The following TENM2 variants were observed in gnomAD, a reference collection of about 807,000 sequenced individuals.
TENM2 encodes teneurin-2.
A neutral mutation model predicts 245.2 loss-of-function variants in TENM2; 52 were observed. That is an observed-to-expected ratio of 0.21 (90% CI 0.17 to 0.27). The LOEUF is 0.27. TENM2 is among the 10% of genes least tolerant of loss of function. TENM2 has a pLI of 1.00. For missense variants in TENM2, 3,046 were observed against 3,666.8 expected (o/e 0.83, Z 4.37); for synonymous variants, 1,363 against 1,438.9 (o/e 0.95, Z 1.19).
At chr5:168,140,514 TTGTGTGTATGAGTGTATACACGTC>T (rs552230453) in intron 12 of TENM2, among the ~76,000 whole-genome samples, 82 of 152,268 alleles carry the variant, frequency 5.4e-4, no homozygotes, top group African/African-American at 1.9e-3. Context: ...CTAATCCCTG[TTGTGTGTATGAGTGTATACACGTC>T]TGTGTGCATG....
At chr5:167,907,666 C>T (rs990785438) in intron 3 of TENM2, among the ~76,000 whole-genome samples, 1 of 148,266 alleles carries the variant, frequency 6.7e-6, no homozygotes, top group Non-Finnish European at 1.5e-5. Flanking sequence ...ACTTTGGGAA[C>T]CTGGGGCAGG....
At chr5:167,284,749 C>A, upstream of TENM2, 1 of 970,424 alleles carries the variant, frequency 1.0e-6, no homozygotes, top group Middle Eastern at 3.2e-4. Context: ...TGGGTTTTTT[C>A]TTCTATGTTT....
At chr5:167,398,813 C>A (rs976402691) in intron 2 of TENM2, among the ~76,000 whole-genome samples, 1 of 152,086 alleles carries the variant, frequency 6.6e-6, no homozygotes, top group African/African-American at 2.4e-5. Context: ...AAGCTCTTAG[C>A]GAAGTGCCTG....
chr5:167,353,479 GTGTTTTTTGTTGTTGTTGT>G (rs1759070298), intron 1 of TENM2, among the ~76,000 whole-genome samples: 1 of 123,344 alleles, frequency 8.1e-6, no homozygotes, highest in South Asian at 2.8e-4. Context: ...ATAGTATATG[GTGTTTTTTGTTGTTGTTGT>G]TGTTTTTTTT....
intron 5 of TENM2, among the ~76,000 whole-genome samples, chr5:168,020,226 G>A (rs1416888297): frequency 6.6e-6 from 1 of 152,126 alleles, no homozygotes. Flanking sequence ...AAGGTTAGGG[G>A]CTACAAGGTG....
chr5:168,127,427 G>A (rs1031969342), intron 12 of TENM2, among the ~76,000 whole-genome samples: 1 of 152,098 alleles, frequency 6.6e-6, no homozygotes, highest in East Asian at 1.9e-4. Flanking sequence ...CAGGTACCAC[G>A]GTAAGGTCCT....
chr5:167,067,462 T>C, the TENM2 span, among the ~76,000 whole-genome samples: 1 of 152,202 alleles, frequency 6.6e-6, no homozygotes, highest in African/African-American at 2.4e-5. Flanking sequence ...CAGATTATTG[T>C]GGAAAGCTCT....
chr5:167,598,154 G>A (rs1470998398), intron 2 of TENM2, among the ~76,000 whole-genome samples: 3 of 152,156 alleles, frequency 2.0e-5, no homozygotes, highest in East Asian at 1.9e-4. Flanking sequence ...TTTACTTTAC[G>A]TACCAGGAGA....
chr5:167,896,204 T>C (rs1402630042), intron 3 of TENM2, among the ~76,000 whole-genome samples: 2 of 152,142 alleles, frequency 1.3e-5, no homozygotes, highest in African/African-American at 2.4e-5. Flanking sequence ...ATCCTAATCA[T>C]GATCAGTAGT....
At chr5:168,101,855 T>C (rs1335595401) in intron 9 of TENM2, among the ~76,000 whole-genome samples, 1 of 152,178 alleles carries the variant, frequency 6.6e-6, no homozygotes, top group Non-Finnish European at 1.5e-5. Context: ...CTTAGTATTT[T>C]TTTAAATGGC....
Position 168,244,644 on chromosome 5 carries a change from C to G in TENM2, c.5745C>G (p.Ile1915Met). Reference sequence around the variant, plus strand: ...GGGCCATGAGCGAGAGGACAGACATCGACAAGCAAGGCCGCATCGTGTCCC... The same window carrying G: ...GGGCCATGAGCGAGAGGACAGACATGGACAAGCAAGGCCGCATCGTGTCCC... The change falls in exon 26 of 29, where the codon ATC becomes ATG. Residue 1915 changes from isoleucine (I) to methionine (M), a missense_variant. Coordinates refer to ENST00000518659, the Ensembl canonical transcript of TENM2. The surrounding 1 kb of genome is among the most constrained non-coding windows in gnomAD (Gnocchi z 4.9). 1 of 1,563,840 alleles carries G rather than the reference C, an allele frequency of 6.4e-7. No homozygotes were observed. The highest frequency in any genetic ancestry group is 8.7e-7 in the Non-Finnish European group (1 of 1,148,140).
intron 7 of TENM2, among the ~76,000 whole-genome samples, chr5:168,078,947 T>G (rs1305002065): frequency 6.6e-6 from 1 of 152,154 alleles, no homozygotes; most frequent in Non-Finnish European, 1.5e-5. Context: ...TTTAAAGTAG[T>G]TTTTTCCAAT....
chr5:168,261,025 C>T (rs935001163), intron 28 of TENM2, among the ~76,000 whole-genome samples: 1 of 152,182 alleles, frequency 6.6e-6, no homozygotes, highest in African/African-American at 2.4e-5. Flanking sequence ...AAGGTCTCAG[C>T]TGCTCTGAAT....
At chr5:167,902,683 G>A (rs1290466060) in intron 3 of TENM2, among the ~76,000 whole-genome samples, 2 of 152,138 alleles carry the variant, frequency 1.3e-5, no homozygotes, top group African/African-American at 4.8e-5. Context: ...GAGACCCGAT[G>A]TCACTTAAAT....
At chr5:167,897,763 T>C (rs114531743) in intron 3 of TENM2, among the ~76,000 whole-genome samples, 434 of 152,278 alleles carry the variant, frequency 2.9e-3, no homozygotes, top group Non-Finnish European at 5.0e-3. Flanking sequence ...AAGAAAGATA[T>C]ACAGATATAT....
chr5:167,346,639 T>A (rs879514563), intron 1 of TENM2, among the ~76,000 whole-genome samples: 4 of 152,204 alleles, frequency 2.6e-5, no homozygotes, highest in Admixed American at 2.6e-4. Flanking sequence ...ACTTGTAAGC[T>A]AACAAGTCTG....
At chr5:167,208,810 A>T in the TENM2 span, among the ~76,000 whole-genome samples, 1 of 152,202 alleles carries the variant, frequency 6.6e-6, no homozygotes, top group Non-Finnish European at 1.5e-5. Flanking sequence ...CCAATGTCTA[A>T]AATGACATCA....
intron 2 of TENM2, among the ~76,000 whole-genome samples, chr5:167,535,041 T>A (rs1377196705): frequency 6.6e-6 from 1 of 152,178 alleles, no homozygotes; most frequent in Admixed American, 6.5e-5. Context: ...TATTTTCTTT[T>A]CAAACCCAGT....
intron 4 of TENM2, among the ~76,000 whole-genome samples, chr5:167,984,659 G>T (rs1783097925): frequency 6.6e-6 from 1 of 150,964 alleles, no homozygotes; most frequent in African/African-American, 2.4e-5. Flanking sequence ...TGTCTTGGGG[G>T]AAAAAAAAAT....
Sources: allele counts gnomAD v4.1 joint callset (sites outside exome capture counted in the v4.1 genomes callset), GRCh38; gene constraint gnomAD v4.1.1; non-coding constraint Gnocchi (gnomAD v3.1); transcripts MANE v1.5; gene names NCBI Gene and HGNC (gene_info 2026-07-23, HGNC 2026-07-21).